Variants in CNTN6 observed in about 807,000 individuals in gnomAD.
CNTN6 encodes the protein contactin 6.
CNTN6 carries 137 observed loss-of-function variants against 122.8 expected under a neutral mutation model. The observed-to-expected ratio is 1.12, with a 90% CI of 0.97 to 1.29. The LOEUF is 1.29. Ranked by LOEUF, CNTN6 falls within the 50% of genes most tolerant of loss-of-function variation. CNTN6 has a pLI of 0.00. For synonymous variants in CNTN6, 570 were observed against 426.0 expected, an observed-to-expected ratio of 1.34 and a Z score of -4.16; for missense variants, 1,634 against 1,223.4, an observed-to-expected ratio of 1.34 and a Z score of -5.01.
chr3:1,167,690 G>A lies in CNTN6; in HGVS notation c.55+19627G>A, dbSNP rs1025227362. 3.9e-5 allele frequency among the ~76,000 whole-genome samples: 6 copies of A among 152,228 alleles called. No individual in the cohort carries two copies. In the South Asian group the frequency reaches 1.2e-3, roughly 32 times the overall value. The stretch of plus-strand genomic sequence containing the variant: ...AAAATGAGGGAAGGGTAAGAAGCTT[G>A]CCCCAAGGTACAGAGTGAGCCAGTG... On this transcript the variant is annotated intron_variant, in intron 2 of 22. Coordinates refer to ENST00000446702, the MANE Select transcript of CNTN6 (RefSeq NM_001289080.2).
intron 4 of CNTN6, among the ~76,000 whole-genome samples, chr3:1,242,889 C>T (rs1241581645): frequency 1.3e-5 from 2 of 152,024 alleles, no homozygotes; most frequent in African/African-American, 2.4e-5. Context: ...GCCTGGCCGT[C>T]AATACCCACA....
At chr3:1,154,352 AGGTCATATTTTCACTTTAAG>A (rs1415486622) in intron 2 of CNTN6, among the ~76,000 whole-genome samples, 1 of 152,122 alleles carries the variant, frequency 6.6e-6, no homozygotes, top group African/African-American at 2.4e-5. Flanking sequence ...TAATAACACC[AGGTCATATTTTCACTTTAAG>A]GGTACTCAAA....
chr3:1,214,729 C>A (rs2094105759), intron 2 of CNTN6, among the ~76,000 whole-genome samples: 2 of 151,980 alleles, frequency 1.3e-5, no homozygotes, highest in African/African-American at 4.8e-5. Context: ...TTTAAAATCC[C>A]AGCTTATTCT....
At chr3:1,200,789 C>T (rs1320824865) in intron 2 of CNTN6, among the ~76,000 whole-genome samples, 1 of 152,182 alleles carries the variant, frequency 6.6e-6, no homozygotes, top group Non-Finnish European at 1.5e-5. Context: ...GGTTATCTCT[C>T]TAGCCCCATT....
Position 1,249,370 on chromosome 3 carries a change from G to A in CNTN6, c.358+21377G>A, listed in dbSNP as rs1308979236. ...GTAAGTAAAATAAGGTCTATTTTCT[G>A]TATTTATACATCTGCCAAAGTATAA... On this transcript the variant is annotated intron_variant, in intron 4 of 22. Transcript: ENST00000446702. 2.6e-5 allele frequency among the ~76,000 whole-genome samples: 4 copies of A among 152,232 alleles called. No individual in the cohort carries two copies. The South Asian group carries it at 6.2e-4, about 24-fold the overall frequency.
At chr3:1,182,293 G>A (rs2093566287) in intron 2 of CNTN6, among the ~76,000 whole-genome samples, 1 of 152,138 alleles carries the variant, frequency 6.6e-6, no homozygotes, top group Admixed American at 6.6e-5. Flanking sequence ...GGAATCTGAT[G>A]ATGAGCATCT....
chr3:1,277,682 A>C lies in CNTN6; in HGVS notation c.359-731A>C, dbSNP rs1692665333. On this transcript the variant is annotated intron_variant, in intron 4 of 22. Transcript: ENST00000446702. ...AGATTAGTAGGTTAATTCATTAAAT[A>C]ACTAATTGAATGAATGAAAGGATTT... Among the ~76,000 whole-genome samples, 3 of 152,282 alleles carry C rather than the reference A, an allele frequency of 2.0e-5. No individual in the cohort carries two copies. The South Asian group carries it at 6.2e-4, about 32-fold the overall frequency.
At chr3:1,114,282 C>A (rs73816472) in intron 1 of CNTN6, among the ~76,000 whole-genome samples, 5,004 of 152,222 alleles carry the variant, frequency 0.033, 289 homozygotes, top group African/African-American at 0.12. Context: ...CCAGTGTGGG[C>A]CTCTTTCCTA....
Position 1,240,835 on chromosome 3 carries a change from G to T in CNTN6, c.358+12842G>T, listed in dbSNP as rs138128359. ...GTGAAATAAACCCATGCACCTTCAC[G>T]TGGGTGCAGGCGGGCTGAGTCTGAA... On this transcript the variant is annotated intron_variant, in intron 4 of 22. Coordinates refer to ENST00000446702, the MANE Select transcript of CNTN6 (RefSeq NM_001289080.2). 6.6e-5 allele frequency among the ~76,000 whole-genome samples: 10 copies of T among 152,266 alleles called. No individual in the cohort carries two copies. The East Asian group carries it at 1.4e-3, about 21-fold the overall frequency.
intron 19 of CNTN6, 74 bp from the exon 20 acceptor site, chr3:1,385,537 G>T (rs1692747412): frequency 8.3e-7 from 1 of 1,208,706 alleles, no homozygotes; most frequent in Non-Finnish European, 1.2e-6. Context: ...GGTTGTGGTT[G>T]ATAGTTGTTG....
intron 2 of CNTN6, among the ~76,000 whole-genome samples, chr3:1,169,520 C>A (rs1198708934): frequency 2.6e-5 from 4 of 152,228 alleles, no homozygotes; most frequent in Admixed American, 2.6e-4. Flanking sequence ...CAGCATAAAC[C>A]GTATTTAACG....
At chr3:1,301,254 C>G (rs1010608831) in intron 7 of CNTN6, among the ~76,000 whole-genome samples, 1 of 152,040 alleles carries the variant, frequency 6.6e-6, no homozygotes, top group Non-Finnish European at 1.5e-5. Context: ...CCAGGCTTGT[C>G]TCTAACTCCT....
chr3:1,402,297 T>G, intron 21 of CNTN6, 21 bp from the exon 22 acceptor site: 1 of 1,595,430 alleles, frequency 6.3e-7, no homozygotes, highest in Middle Eastern at 2.3e-4. Context: ...CCATGTTAAC[T>G]TGATACCTCA....
intron 1 of CNTN6, among the ~76,000 whole-genome samples, chr3:1,119,670 T>G (rs978632348): frequency 3.9e-5 from 6 of 151,988 alleles, no homozygotes; most frequent in African/African-American, 1.4e-4. Context: ...TTTCCTTTAT[T>G]CACTTTCCAT....
At chr3:1,186,461 A>G (rs1168828474) in intron 2 of CNTN6, among the ~76,000 whole-genome samples, 1 of 152,156 alleles carries the variant, frequency 6.6e-6, no homozygotes, top group Admixed American at 6.6e-5. Flanking sequence ...TCTTTAATTT[A>G]GAATAACTTA....
At position 1,245,219 on chromosome 3, in the gene CNTN6, T is replaced by C. The variant is rs1293556725; in HGVS notation, c.358+17226T>C. 6.0e-3 allele frequency among the ~76,000 whole-genome samples: 139 copies of C among 23,120 alleles called. 37 individuals are homozygous for C. Among genetic ancestry groups the C allele is most frequent in the African/African-American group, 0.04 (136 of 3,374 alleles). The allele number at this position is 23,120 out of a possible 152,430, so 15.2% of individuals were successfully genotyped here. A position where few individuals can be genotyped will look rare whatever the true frequency, so the allele number is the denominator to read the frequency against. On this transcript the variant is annotated intron_variant, in intron 4 of 22. Transcript: ENST00000446702. ...TGTGATATATATATATATATATATA[T>C]ATATATATATATATATACACACACA...
intron 2 of CNTN6, among the ~76,000 whole-genome samples, chr3:1,201,309 T>C (rs1217962751): frequency 6.6e-6 from 1 of 152,142 alleles, no homozygotes; most frequent in Non-Finnish European, 1.5e-5. Flanking sequence ...TTGCTCTTTT[T>C]TTCCCTATGA....
At chr3:1,115,360 G>C (rs568568001) in intron 1 of CNTN6, among the ~76,000 whole-genome samples, 3 of 152,230 alleles carry the variant, frequency 2.0e-5, no homozygotes, top group African/African-American at 7.2e-5. Context: ...GTAATTACTG[G>C]CATTATGAAG....
chr3:1,345,576 C>T (rs1462349567), intron 11 of CNTN6, among the ~76,000 whole-genome samples: 1 of 152,118 alleles, frequency 6.6e-6, no homozygotes, highest in Non-Finnish European at 1.5e-5. Context: ...TATTAAATGA[C>T]AGTGACATTA....
Sources: gnomAD v4.1 joint callset for allele counts (sites outside exome capture counted in the v4.1 genomes callset) on GRCh38, gnomAD v4.1.1 for gene constraint, MANE v1.5 for transcripts, NCBI Gene and HGNC (gene_info 2026-07-23, HGNC 2026-07-21) for gene names.